The following KLHL31 variants were observed in gnomAD, a reference collection of about 807,000 sequenced individuals.
The protein encoded by KLHL31 is kelch like family member 31.
KLHL31 carries 32 observed loss-of-function variants against 47.1 expected under a neutral mutation model. That is an observed-to-expected ratio of 0.68 (90% CI 0.51 to 0.91). KLHL31 has a LOEUF of 0.91. KLHL31 is among the 40% of genes least tolerant of loss of function. KLHL31 has a pLI of 0.00. For missense variants in KLHL31, 797 were observed against 819.3 expected (o/e 0.97, Z 0.33); for synonymous variants, 330 against 325.1 (o/e 1.01, Z -0.16).
chr6:53,657,620 G>GTGTGTC (rs1201435089), intron 1 of KLHL31, among the ~76,000 whole-genome samples: 2 of 145,222 alleles, frequency 1.4e-5, no homozygotes, highest in Non-Finnish European at 3.0e-5. Context: ...TTGTGTGTGT[G>GTGTGTC]TGTGTGTGTG....
In KLHL31 at chr6:53,657,610, T is replaced by TTGTGTGTGTGTGTG. The variant is rs57566339; in HGVS notation, c.-33-2319_-33-2306dup. 1.3e-3 allele frequency among the ~76,000 whole-genome samples: 183 copies of TTGTGTGTGTGTGTG among 138,804 alleles called. 1 individual carries two copies. The highest frequency in any genetic ancestry group is 3.1e-3 in the East Asian group (14 of 4,584). 91.1% of individuals were successfully genotyped at this position (138,804 alleles called of 152,430 possible). On this transcript the variant is annotated intron_variant, in intron 1 of 2. Coordinates refer to ENST00000370905, the MANE Select transcript of KLHL31 (RefSeq NM_001003760.5). ...TGGTTTACAATTTTTTGTTTTTGTT[T>TTGTGTGTGTGTGTG]TGTGTGTGTGTGTGTGTGTGTGTGT...
In KLHL31 at chr6:53,651,852, G is replaced by A. The variant is rs1201916737; in HGVS notation, c.1651C>T (p.Leu551=). Residue 551 remains leucine, a synonymous_variant, in exon 3 of 3, where the codon CTG becomes TTG. Coordinates refer to ENST00000370905, the MANE Select transcript of KLHL31 (RefSeq NM_001003760.5). ...ATGQWSYAAP[L]QVGVSTAGVS... ...CCCGCAGTGCTCACTCCCACCTGCA[G>A]CGGCGCCGCGTAGCTCCACTGGCCG... 1 of 1,605,678 alleles carries A rather than the reference G, an allele frequency of 6.2e-7. No individual in the cohort carries two copies. Among genetic ancestry groups the A allele is most frequent in the East Asian group, 2.2e-5 (1 of 44,830 alleles).
At chr6:53,662,878 G>A (rs925050559) in intron 1 of KLHL31, among the ~76,000 whole-genome samples, 1 of 152,218 alleles carries the variant, frequency 6.6e-6, no homozygotes, top group East Asian at 1.9e-4. Context: ...ACTGTTTTAT[G>A]TATTTAATGT....
intron 1 of KLHL31, among the ~76,000 whole-genome samples, chr6:53,657,186 G>A (rs1371496391): frequency 6.6e-6 from 1 of 152,018 alleles, no homozygotes; most frequent in Admixed American, 6.6e-5. Flanking sequence ...CAATCCACCT[G>A]TCTTGGCCTC....
intron 1 of KLHL31, among the ~76,000 whole-genome samples, chr6:53,659,907 C>T (rs991911420): frequency 2.6e-5 from 4 of 152,154 alleles, no homozygotes; most frequent in African/African-American, 4.8e-5. Context: ...TCCTCCATTG[C>T]CTGACCTTCA....
At chr6:53,656,544 T>C (rs1170451777) in intron 1 of KLHL31, among the ~76,000 whole-genome samples, 2 of 152,130 alleles carry the variant, frequency 1.3e-5, no homozygotes, top group East Asian at 3.8e-4. Flanking sequence ...TGTGCATATT[T>C]ATATATTTAT....
Position 53,654,236 on chromosome 6 carries a change from C to T in KLHL31, c.1037G>A (p.Ser346Asn), listed in dbSNP as rs1310987990. The change falls in exon 2 of 3, where the codon AGC (serine) becomes AAC (asparagine). Residue 346 changes from serine (S) to asparagine (N), a missense_variant. By Grantham distance (46) the Ser-to-Asn change is conservative (BLOSUM62 1). Transcript: ENST00000370905. ...ILYRDPENGWSKLTEMPAKSF... is the reference protein window; with the variant it reads ...ILYRDPENGWNKLTEMPAKSF... ...TTTGGCTGGCATTTCCGTAAGCTTG[C>T]TCCATCCATTTTCAGGGTCTCTATA... 2.5e-6 allele frequency: 4 copies of T among 1,614,080 alleles called. 1 individual carries two copies. In the Admixed American group the frequency reaches 5.0e-5, roughly 20 times the overall value.
In KLHL31 at chr6:53,654,926, A is replaced by G. The variant is rs751364318; in HGVS notation, c.347T>C (p.Ile116Thr). 7.4e-6 allele frequency: 12 copies of G among 1,614,046 alleles called. No homozygotes were observed. The South Asian group carries it at 1.1e-4, about 15-fold the overall frequency. Residue 116 changes from isoleucine to threonine, a missense_variant, in exon 2 of 3, where the codon ATC (isoleucine) becomes ACC (threonine). Ile to Thr is a moderately conservative substitution (Grantham distance 89). Transcript: ENST00000370905. ...GACAGTGGCCAGGCCTAGTGGTGAGATATCATTGAGATCCACCCTCTGAAT... is the reference window on the plus strand; with the variant it reads ...GACAGTGGCCAGGCCTAGTGGTGAGGTATCATTGAGATCCACCCTCTGAAT... ...PSIQRVDLND[I>T]SPLGLATVIA...
At chr6:53,656,408 A>C (rs1407424837) in intron 1 of KLHL31, among the ~76,000 whole-genome samples, 3 of 152,190 alleles carry the variant, frequency 2.0e-5, no homozygotes, top group African/African-American at 7.2e-5. Context: ...GATCAGGAAT[A>C]AAAAGAAATT....
Position 53,654,723 on chromosome 6 carries a change from G to C in KLHL31, c.550C>G (p.Leu184Val). The C allele has an allele frequency of 6.2e-7, 1 of 1,614,154 alleles. No homozygotes were observed. The highest frequency in any genetic ancestry group is 1.3e-5 in the African/African-American group (1 of 75,034). The change falls in exon 2 of 3, where the codon CTA becomes GTA. Residue 184 changes from leucine to valine, a missense_variant. Leu to Val is a conservative substitution (Grantham distance 32, BLOSUM62 1). Transcript: ENST00000370905. ...TGGGCTGCTGCTTTTGCATTTTTTA[G>C]GGAGTATGTTTCAGCAATATTAACA... ...YVVNIAETYS[L>V]KNAKAAAQKF...
intron 1 of KLHL31, among the ~76,000 whole-genome samples, chr6:53,659,186 T>C (rs1056267772): frequency 1.3e-5 from 2 of 152,146 alleles, no homozygotes; most frequent in African/African-American, 2.4e-5. Context: ...CAAACAGTCA[T>C]GAGGTGCAGG....
chr6:53,652,542 C>T (rs887248357), intron 2 of KLHL31: 4 of 609,994 alleles, frequency 6.6e-6, no homozygotes, highest in Non-Finnish European at 5.7e-6. Context: ...CCACCCCTCG[C>T]CCCCGTTTAT....
chr6:53,657,104 C>T (rs2478344), intron 1 of KLHL31, among the ~76,000 whole-genome samples: 150,388 of 151,962 alleles, frequency 0.99, 74,442 homozygotes, highest in Middle Eastern at 1. Context: ...GCCTGTCTAC[C>T]TTTTTTGTAT....
At chr6:53,660,079 C>G (rs889064355) in intron 1 of KLHL31, among the ~76,000 whole-genome samples, 5 of 152,002 alleles carry the variant, frequency 3.3e-5, no homozygotes, top group Admixed American at 1.3e-4. Context: ...TCCGAGCTAA[C>G]CAGTTAATGG....
At chr6:53,658,782 T>C (rs1465501917) in intron 1 of KLHL31, among the ~76,000 whole-genome samples, 1 of 152,188 alleles carries the variant, frequency 6.6e-6, no homozygotes, top group Non-Finnish European at 1.5e-5. Context: ...TTAAACAGTT[T>C]CCTTTTCAAT....
chr6:53,652,102 G>T lies in KLHL31; in HGVS notation c.1401C>A (p.Arg467=). 1 of 1,599,904 alleles carries T rather than the reference G, an allele frequency of 6.3e-7. No homozygotes were observed. Reference sequence around the variant, plus strand: ...CTATGTAGCCTCCGGTCACCAGCACGCGGCCGTCGGCGACCGCGCTAGCGT... The same window carrying T: ...CTATGTAGCCTCCGGTCACCAGCACTCGGCCGTCGGCGACCGCGCTAGCGT... ...CCHASAVADG[R]VLVTGGYIAN... is the part of the protein sequence containing the mutation. Residue 467 remains arginine, a synonymous_variant, in exon 3 of 3, where the codon CGC becomes CGA. Coordinates refer to ENST00000370905, the MANE Select transcript of KLHL31 (RefSeq NM_001003760.5).
chr6:53,660,323 ATGT>A (rs1368078218), intron 1 of KLHL31, among the ~76,000 whole-genome samples: 1 of 152,180 alleles, frequency 6.6e-6, no homozygotes, highest in African/African-American at 2.4e-5. Context: ...GCAATTGATA[ATGT>A]TGTTCAGGTA....
In KLHL31 at chr6:53,651,979, C is replaced by T. The variant is rs1308957117; in HGVS notation, c.1524G>A (p.Ala508=). The T allele has an allele frequency of 1.3e-6, 2 of 1,592,368 alleles. No homozygotes were observed. Among genetic ancestry groups the T allele is most frequent in the African/African-American group, 1.3e-5 (1 of 74,754 alleles). The stretch of plus-strand genomic sequence containing the variant: ...CGTACACTCTGTCGCTCAGCGTGAC[C>T]GCGCAGTGCCAGCCCCGGGGTGTGC... The part of the protein sequence containing the change: ...NLSTPRGWHC[A]VTLSDRVYVM... Residue 508 remains alanine, a synonymous_variant, in exon 3 of 3, where the codon GCG becomes GCA. Transcript: ENST00000370905.
In KLHL31 at chr6:53,649,430, T is replaced by C. The variant is rs1764435893; in HGVS notation, c.*2168A>G. On this transcript the variant is annotated 3_prime_UTR_variant, in exon 3 of 3. Transcript: ENST00000370905. The stretch of plus-strand genomic sequence containing the variant: ...ACAATGTAGAAAATAAATTAAATGG[T>C]AATTTTAAATGATTTATCCAGCACT... 1 of 152,162 alleles carries C rather than the reference T, an allele frequency of 6.6e-6. No homozygotes were observed. Among genetic ancestry groups the C allele is most frequent in the African/African-American group, 2.4e-5 (1 of 41,456 alleles). The allele number at this position is 152,162 out of a possible 1,614,324, so 9.4% of individuals were successfully genotyped here. A position where few individuals can be genotyped will look rare whatever the true frequency, so the allele number is the denominator to read the frequency against.
Sources: allele counts gnomAD v4.1 joint callset (sites outside exome capture counted in the v4.1 genomes callset), GRCh38; gene constraint gnomAD v4.1.1; transcripts MANE v1.5; gene names NCBI Gene and HGNC (gene_info 2026-07-23, HGNC 2026-07-21).